The following FLVCR2 variants were observed in gnomAD, a reference collection of about 807,000 sequenced individuals.
FLVCR2 encodes the protein choline/ethanolamine transporter FLVCR2.
A neutral mutation model predicts 48.9 loss-of-function variants in FLVCR2; 38 were observed. The ratio of observed to expected loss-of-function variants is 0.78; its 90% CI spans 0.60 to 1.02. FLVCR2 has a LOEUF of 1.02. FLVCR2 is among the 50% of genes least tolerant of loss of function. The pLI is 0.00. For missense variants in FLVCR2, 664 were observed against 663.3 expected, an observed-to-expected ratio of 1.00 and a Z score of -0.01; for synonymous variants, 255 against 257.0, an observed-to-expected ratio of 0.99 and a Z score of 0.07.
intron 1 of FLVCR2, among the ~76,000 whole-genome samples, chr14:75,611,701 G>A (rs965616307): frequency 2.0e-5 from 3 of 152,122 alleles, no homozygotes; most frequent in Non-Finnish European, 4.4e-5. Context: ...TCGCACCACT[G>A]CACTAGCCTG....
At chr14:75,607,281 T>C (rs77199975) in intron 1 of FLVCR2, among the ~76,000 whole-genome samples, 6,133 of 152,324 alleles carry the variant, frequency 0.04, 230 homozygotes, top group Admixed American at 0.11. Context: ...ACTGAGTCCA[T>C]ATCTATCTTT....
intron 1 of FLVCR2, among the ~76,000 whole-genome samples, chr14:75,598,206 G>C (rs956377678): frequency 1.3e-5 from 2 of 152,080 alleles, no homozygotes; most frequent in Non-Finnish European, 2.9e-5. Context: ...GGGAGCTTGG[G>C]CCACTCACCC....
At chr14:75,580,457 G>A (rs564645134) in intron 1 of FLVCR2, among the ~76,000 whole-genome samples, 3 of 152,298 alleles carry the variant, frequency 2.0e-5, no homozygotes, top group Non-Finnish European at 4.4e-5. Context: ...TTCCAAGCAC[G>A]TACAGTCCTG....
chr14:75,636,113 G>C (rs1890162131), intron 5 of FLVCR2, among the ~76,000 whole-genome samples: 1 of 151,942 alleles, frequency 6.6e-6, no homozygotes, highest in African/African-American at 2.4e-5. Flanking sequence ...TGGCGGGGCA[G>C]CTGTTGGGCT....
At position 75,639,453 on chromosome 14, in the gene FLVCR2, G is replaced by T; in HGVS notation, c.1226G>T (p.Gly409Val). The T allele has an allele frequency of 1.2e-6, 2 of 1,607,114 alleles. No homozygotes were observed. The highest frequency in any genetic ancestry group is 1.7e-6 in the Non-Finnish European group (2 of 1,173,644). ...GHLWVVFITAGTMGFFMTGYL... is the reference protein window; with the variant it reads ...GHLWVVFITAVTMGFFMTGYL... Reference sequence around the variant, plus strand: ...CTGTGGGTAGTGTTCATCACTGCTGGCACAATGGGGTAAGTTTCACCTCTG... The same window carrying T: ...CTGTGGGTAGTGTTCATCACTGCTGTCACAATGGGGTAAGTTTCACCTCTG... The change falls in exon 6 of 10, where the codon GGC (glycine) becomes GTC (valine). Residue 409 changes from glycine to valine, a missense_variant. Gly to Val is a moderately radical substitution (Grantham distance 109). Coordinates refer to ENST00000238667, the MANE Select transcript of FLVCR2 (RefSeq NM_017791.3).
chr14:75,597,395 G>A (rs539539293), intron 1 of FLVCR2, among the ~76,000 whole-genome samples: 2 of 152,240 alleles, frequency 1.3e-5, no homozygotes, highest in East Asian at 1.9e-4. Flanking sequence ...CTCACCAAAC[G>A]TGGGCAGGTG....
At chr14:75,586,442 T>C (rs569930513) in intron 1 of FLVCR2, among the ~76,000 whole-genome samples, 1 of 152,348 alleles carries the variant, frequency 6.6e-6, no homozygotes, top group East Asian at 1.9e-4. Context: ...GATCTGGATG[T>C]ATACGTGCAA....
At chr14:75,610,404 A>G (rs992747823) in intron 1 of FLVCR2, among the ~76,000 whole-genome samples, 3 of 152,148 alleles carry the variant, frequency 2.0e-5, no homozygotes, top group African/African-American at 7.2e-5. Flanking sequence ...AGCAAGCATA[A>G]ATACCGGGCT....
chr14:75,633,601 A>C (rs763033639), intron 3 of FLVCR2, 28 bp from the exon 4 acceptor site: 2 of 1,591,926 alleles, frequency 1.3e-6, no homozygotes, highest in Non-Finnish European at 1.7e-6. Context: ...GCTGACCCTA[A>C]TGTTGTATTT....
intron 1 of FLVCR2, among the ~76,000 whole-genome samples, chr14:75,585,960 T>C (rs1041678572): frequency 2.6e-5 from 4 of 152,188 alleles, no homozygotes; most frequent in African/African-American, 9.7e-5. Context: ...TTCCTTGGGC[T>C]GGTTGGTCTG....
At chr14:75,643,847 A>G (rs1168442336) in intron 9 of FLVCR2, among the ~76,000 whole-genome samples, 1 of 152,146 alleles carries the variant, frequency 6.6e-6, no homozygotes, top group Non-Finnish European at 1.5e-5. Context: ...TTGGGAGGCC[A>G]AGGTGGGCAG....
intron 2 of FLVCR2, among the ~76,000 whole-genome samples, chr14:75,623,239 C>G (rs1248242204): frequency 1.3e-5 from 2 of 152,206 alleles, no homozygotes; most frequent in Non-Finnish European, 2.9e-5. Context: ...GCCTCAGCCT[C>G]CCAAAGTGCT....
intron 1 of FLVCR2, among the ~76,000 whole-genome samples, chr14:75,597,128 G>A (rs1019528302): frequency 3.1e-4 from 47 of 151,532 alleles, no homozygotes; most frequent in African/African-American, 1.0e-3. Flanking sequence ...CAAAAAGTAC[G>A]AAATTAGCTG....
chr14:75,624,474 G>A, intron 2 of FLVCR2, 138 bp from the exon 3 acceptor site: 1 of 998,048 alleles, frequency 1.0e-6, no homozygotes, highest in Non-Finnish European at 1.6e-6. Context: ...GCTGTTAAGG[G>A]TTTAATTAAA....
chr14:75,608,837 T>C (rs1889365118), intron 1 of FLVCR2, among the ~76,000 whole-genome samples: 1 of 152,174 alleles, frequency 6.6e-6, no homozygotes, highest in Admixed American at 6.5e-5. Flanking sequence ...CCAAAAGCCA[T>C]GTCCTTTATT....
chr14:75,632,536 C>T (rs1003833067), intron 3 of FLVCR2: 2 of 677,926 alleles, frequency 3.0e-6, no homozygotes, highest in South Asian at 1.6e-5. Flanking sequence ...GGTTGCCATA[C>T]CCACCTTCCC....
chr14:75,606,114 G>C (rs774398460), intron 1 of FLVCR2: 18 of 158,098 alleles, frequency 1.1e-4, no homozygotes, highest in Non-Finnish European at 2.0e-4. Flanking sequence ...CAACCTCCCC[G>C]GGCTCAGGTG....
intron 9 of FLVCR2, among the ~76,000 whole-genome samples, chr14:75,642,955 G>A (rs907882446): frequency 3.3e-5 from 5 of 152,094 alleles, no homozygotes; most frequent in South Asian, 4.1e-4. Flanking sequence ...TCTGCCTCCC[G>A]GGTTCGAGTG....
chr14:75,637,840 G>C (rs1169852364), intron 5 of FLVCR2, among the ~76,000 whole-genome samples: 1 of 152,114 alleles, frequency 6.6e-6, no homozygotes, highest in East Asian at 1.9e-4. Flanking sequence ...CCCTGCCTTA[G>C]GTAGTGCAGG....
Sources: gnomAD v4.1 joint callset for allele counts (sites outside exome capture counted in the v4.1 genomes callset) on GRCh38, gnomAD v4.1.1 for gene constraint, MANE v1.5 for transcripts, NCBI Gene and HGNC (gene_info 2026-07-23, HGNC 2026-07-21) for gene names.